GLIS3: variants seen among roughly 807,000 people sequenced by gnomAD.
GLIS3 encodes GLIS family zinc finger 3.
In GLIS3, 53 loss-of-function variants were observed where a neutral mutation model predicts 78.6. That is an observed-to-expected ratio of 0.67 (90% CI 0.54 to 0.85). The LOEUF (loss-of-function observed/expected upper bound fraction) is 0.85, where lower values mean the gene tolerates loss of function less well. Ranked by LOEUF, GLIS3 falls within the 40% of genes least tolerant of loss-of-function variation. The probability of loss-of-function intolerance (pLI) is 0.00; values close to 1 mark genes in which losing one functional copy is unlikely to be tolerated. For missense variants in GLIS3, 1,703 were observed against 1,231.1 expected (o/e 1.38, Z -5.74); for synonymous variants, 684 against 509.9 (o/e 1.34, Z -4.60).
chr9:4,470,339 G>A, the GLIS3 span, among the ~76,000 whole-genome samples: 24,419 of 152,044 alleles, frequency 0.16, 2,235 homozygotes, highest in African/African-American at 0.25. Context: ...GATGAATATC[G>A]AGGCAAAAAT....
intron 8 of GLIS3, among the ~76,000 whole-genome samples, chr9:3,856,505 C>G (rs540781048): frequency 2.0e-5 from 3 of 152,116 alleles, no homozygotes; most frequent in Admixed American, 2.0e-4. Context: ...ACATCTTTTG[C>G]CAAGCCCTTT....
intron 8 of GLIS3, among the ~76,000 whole-genome samples, chr9:3,866,294 G>C (rs1820575988): frequency 6.6e-6 from 1 of 152,114 alleles, no homozygotes; most frequent in Admixed American, 6.6e-5. Context: ...ATTTCAGGGA[G>C]CGAGAAGTCA....
chr9:3,928,935 G>C (rs1402541190), intron 6 of GLIS3, among the ~76,000 whole-genome samples: 1 of 152,212 alleles, frequency 6.6e-6, no homozygotes, highest in Non-Finnish European at 1.5e-5. Context: ...TATCAGTCTA[G>C]AATTAAAGGA....
At chr9:4,091,779 C>T (rs1481633951) in intron 4 of GLIS3, among the ~76,000 whole-genome samples, 1 of 152,156 alleles carries the variant, frequency 6.6e-6, no homozygotes, top group African/African-American at 2.4e-5. Flanking sequence ...CGGAACCCCT[C>T]TTCTTTATAA....
At chr9:3,943,362 G>T (rs1394731173) in intron 4 of GLIS3, among the ~76,000 whole-genome samples, 1 of 152,206 alleles carries the variant, frequency 6.6e-6, no homozygotes, top group Non-Finnish European at 1.5e-5. Flanking sequence ...ACTCCACAAT[G>T]GGAACAGAGA....
intron 2 of GLIS3, among the ~76,000 whole-genome samples, chr9:4,262,278 G>C (rs1299440493): frequency 6.6e-6 from 1 of 152,118 alleles, no homozygotes; most frequent in Non-Finnish European, 1.5e-5. Context: ...ATCCTCATTT[G>C]AGAGAAACTG....
At chr9:4,458,275 T>C in the GLIS3 span, among the ~76,000 whole-genome samples, 4 of 152,174 alleles carry the variant, frequency 2.6e-5, no homozygotes, top group Non-Finnish European at 5.9e-5. Context: ...CCCAACTGCA[T>C]GGCATGCATT....
At chr9:4,366,020 G>C in the GLIS3 span, among the ~76,000 whole-genome samples, 1 of 152,200 alleles carries the variant, frequency 6.6e-6, no homozygotes, top group African/African-American at 2.4e-5. Context: ...AGCTAGCAGG[G>C]AAGGAAAGGC....
chr9:4,143,639 T>C (rs1833985052), intron 2 of GLIS3, among the ~76,000 whole-genome samples: 1 of 152,230 alleles, frequency 6.6e-6, no homozygotes, highest in Non-Finnish European at 1.5e-5. Flanking sequence ...TTGTCAACTA[T>C]GGTCACCACA....
chr9:4,428,105 A>C, the GLIS3 span, among the ~76,000 whole-genome samples: 1 of 152,140 alleles, frequency 6.6e-6, no homozygotes, highest in Non-Finnish European at 1.5e-5. Context: ...TAACAGGAGG[A>C]GGCCATGGGA....
the GLIS3 span, among the ~76,000 whole-genome samples, chr9:4,452,396 G>A: frequency 1.3e-5 from 2 of 152,180 alleles, no homozygotes; most frequent in Non-Finnish European, 2.9e-5. Flanking sequence ...TCTGTTTGCA[G>A]ATGACATGAT....
intron 2 of GLIS3, among the ~76,000 whole-genome samples, chr9:4,270,378 C>T (rs1223895876): frequency 1.3e-5 from 2 of 152,192 alleles, no homozygotes; most frequent in Non-Finnish European, 2.9e-5. Flanking sequence ...CATTTATCAC[C>T]TCAGTCTCCA....
intron 4 of GLIS3, among the ~76,000 whole-genome samples, chr9:3,970,119 G>C (rs913214393): frequency 6.6e-6 from 1 of 152,140 alleles, no homozygotes; most frequent in African/African-American, 2.4e-5. Context: ...AAGATAATTT[G>C]AAAACAATTA....
intron 2 of GLIS3, among the ~76,000 whole-genome samples, chr9:4,335,558 G>A (rs1044658774): frequency 1.3e-5 from 2 of 152,138 alleles, no homozygotes; most frequent in Admixed American, 1.3e-4. Context: ...AGTGGTTCTG[G>A]TGTCTATCTC....
At chr9:3,919,047 T>C (rs1465349196) in intron 6 of GLIS3, among the ~76,000 whole-genome samples, 1 of 152,162 alleles carries the variant, frequency 6.6e-6, no homozygotes, top group East Asian at 1.9e-4. Flanking sequence ...AGTGACCATG[T>C]GGGTCTCAGT....
chr9:4,057,343 G>C (rs1467869884), intron 4 of GLIS3, among the ~76,000 whole-genome samples: 1 of 152,052 alleles, frequency 6.6e-6, no homozygotes, highest in Non-Finnish European at 1.5e-5. Flanking sequence ...TATGAAACTC[G>C]TTCTCCTTTA....
chr9:4,394,036 G>A, the GLIS3 span, among the ~76,000 whole-genome samples: 21 of 151,916 alleles, frequency 1.4e-4, no homozygotes, highest in African/African-American at 5.1e-4. Context: ...TGGACTTGCT[G>A]AACCCAGTTC....
At chr9:4,090,294 T>C (rs1325545125) in intron 4 of GLIS3, among the ~76,000 whole-genome samples, 1 of 152,088 alleles carries the variant, frequency 6.6e-6, no homozygotes, top group Non-Finnish European at 1.5e-5. Flanking sequence ...CGGTCCTGGC[T>C]CAATATATAT....
intron 4 of GLIS3, among the ~76,000 whole-genome samples, chr9:4,026,976 T>C (rs561435914): frequency 2.6e-5 from 4 of 152,132 alleles, no homozygotes; most frequent in African/African-American, 7.2e-5. Context: ...CTAAATTCCA[T>C]GGAGTCTCAT....
Sources: gnomAD v4.1 joint callset for allele counts (sites outside exome capture counted in the v4.1 genomes callset) on GRCh38, gnomAD v4.1.1 for gene constraint, MANE v1.5 for transcripts, NCBI Gene and HGNC (gene_info 2026-07-23, HGNC 2026-07-21) for gene names.